The following SCIN variants were observed in gnomAD, a reference collection of about 807,000 sequenced individuals.
SCIN encodes the protein scinderin, also known as adseverin.
Under a neutral mutation model 91.8 loss-of-function variants are expected in SCIN, and 91 were observed. The ratio of observed to expected loss-of-function variants is 0.99; its 90% CI spans 0.84 to 1.18. SCIN has a LOEUF of 1.18. SCIN is among the 50% of genes most tolerant of loss of function. The pLI is 0.00. For synonymous variants in SCIN, 367 were observed against 312.6 expected (o/e 1.17, Z -1.84); for missense variants, 1,087 against 863.9 (o/e 1.26, Z -3.24).
chr7:12,649,338 AAAG>A (rs1784031064), intron 13 of SCIN, 126 bp from the exon 14 acceptor site: 1 of 512,714 alleles, frequency 2.0e-6, no homozygotes, highest in Non-Finnish European at 3.4e-6. Flanking sequence ...ATTACGTGAA[AAAG>A]AAGAAAAAAA....
chr7:12,631,849 C>T (rs1400130487), intron 9 of SCIN, among the ~76,000 whole-genome samples: 1 of 152,096 alleles, frequency 6.6e-6, no homozygotes, highest in East Asian at 1.9e-4. Context: ...GGGAGATAGA[C>T]AGGCATGCAA....
intron 3 of SCIN, among the ~76,000 whole-genome samples, chr7:12,594,276 A>G (rs1281232246): frequency 6.6e-6 from 1 of 151,880 alleles, no homozygotes; most frequent in Non-Finnish European, 1.5e-5. Context: ...GGAGGGAGAA[A>G]ATCCACGGGG....
chr7:12,609,759 G>C (rs1454565771), intron 4 of SCIN, among the ~76,000 whole-genome samples: 4 of 152,106 alleles, frequency 2.6e-5, no homozygotes, highest in Non-Finnish European at 5.9e-5. Flanking sequence ...ATTCTACAGG[G>C]AGATGGTAGG....
In SCIN at chr7:12,636,023, C is replaced by G. The variant is rs575137193; in HGVS notation, c.1320-22C>G. 48 of 1,582,874 alleles carry G rather than the reference C, an allele frequency of 3.0e-5. 1 individual carries two copies. The East Asian group carries it at 3.6e-4, about 12-fold the overall frequency. ...CTTAAAACTTAAAGGCAAGCTAATT[C>G]GTTTCACTTTCATTCCTCTAGGCAA... On this transcript the variant is annotated intron_variant, in intron 9 of 15. Transcript: ENST00000297029.
intron 1 of SCIN, among the ~76,000 whole-genome samples, chr7:12,571,818 G>A (rs1297934240): frequency 6.6e-6 from 1 of 152,164 alleles, no homozygotes; most frequent in Non-Finnish European, 1.5e-5. Flanking sequence ...AGGACACTGG[G>A]CCTTGTGTGT....
rs569589614 is a variant in SCIN, at chr7:12,571,064, G to C, written c.199+79G>C. 4.0e-5 allele frequency: 57 copies of C among 1,430,526 alleles called. No individual in the cohort carries two copies. The South Asian group carries it at 5.0e-4, about 13-fold the overall frequency. The allele number at this position is 1,430,526 out of a possible 1,614,324, so 88.6% of individuals were successfully genotyped here. On this transcript the variant is annotated intron_variant, in intron 1 of 15. Coordinates refer to ENST00000297029, the MANE Select transcript of SCIN (RefSeq NM_001112706.3). ...GCGTAGGGGTCTGAGATTTGCAGGC[G>C]TGGGAGTAAAGGGGACCGCAAACTG...
chr7:12,608,134 C>T (rs1045098874), intron 4 of SCIN, among the ~76,000 whole-genome samples: 8 of 152,108 alleles, frequency 5.3e-5, no homozygotes, highest in African/African-American at 1.9e-4. Context: ...TAATGAAAAG[C>T]TCATATATTA....
chr7:12,614,397 A>C (rs976110417), intron 4 of SCIN, among the ~76,000 whole-genome samples: 1 of 152,072 alleles, frequency 6.6e-6, no homozygotes, highest in African/African-American at 2.4e-5. Context: ...TAGAAGAGGC[A>C]CTCTTCTAGG....
intron 3 of SCIN, among the ~76,000 whole-genome samples, chr7:12,590,060 C>G (rs1782686116): frequency 6.6e-6 from 1 of 151,556 alleles, no homozygotes; most frequent in South Asian, 2.1e-4. Context: ...CACTGGATGC[C>G]AAGGGACTGA....
chr7:12,582,633 A>G (rs575630361), intron 3 of SCIN, among the ~76,000 whole-genome samples: 5 of 152,306 alleles, frequency 3.3e-5, no homozygotes, highest in Admixed American at 6.5e-5. Context: ...AATAAATTTC[A>G]TGGGAAAGTC....
In SCIN at chr7:12,649,556, T is replaced by A; in HGVS notation, c.1959+12T>A. The A allele has an allele frequency of 6.4e-7, 1 of 1,572,930 alleles. No individual in the cohort carries two copies. Among genetic ancestry groups the A allele is most frequent in the Non-Finnish European group, 8.7e-7 (1 of 1,153,496 alleles). On this transcript the variant is annotated intron_variant, in intron 14 of 15. Coordinates refer to ENST00000297029, the MANE Select transcript of SCIN (RefSeq NM_001112706.3). ...ATGCTTGGGAACAGGTAAAACTACA[T>A]TTTGTTCATAAGAAGAGAATGCATT...
rs150072692 is a variant in SCIN at position 12,636,154 on chromosome 7, C to T, written c.1410+19C>T. ...TGTGCAGGTTGGGATATTTTTACCC[C>T]CAAAACTCACACAAGTTAAAGTCTT... On this transcript the variant is annotated intron_variant, in intron 10 of 15. Transcript: ENST00000297029. The T allele has an allele frequency of 6.5e-5, 103 of 1,575,252 alleles. 1 individual carries two copies. The highest frequency in any genetic ancestry group is 5.6e-4 in the East Asian group (25 of 44,470).
chr7:12,598,037 G>A (rs1180555134), intron 3 of SCIN, among the ~76,000 whole-genome samples: 1 of 152,162 alleles, frequency 6.6e-6, no homozygotes, highest in Admixed American at 6.5e-5. Flanking sequence ...TAAGATCTTA[G>A]ATGGTGAAAT....
At chr7:12,577,995 C>A in intron 1 of SCIN, 69 bp from the exon 2 acceptor site, 1 of 1,356,408 alleles carries the variant, frequency 7.4e-7, no homozygotes, top group Non-Finnish European at 9.7e-7. Flanking sequence ...TGACTTCTTT[C>A]ATATCAGAAA....
At position 12,644,620 on chromosome 7, in the gene SCIN, A is replaced by T. The variant is rs576384572; in HGVS notation, c.1796A>T (p.Tyr599Phe). The stretch of plus-strand genomic sequence containing the variant: ...AATTCCCTTGGAGGGAAAAAAGACT[A>T]CCAGACCTCACCACTACTGGAAACC... The part of the protein sequence containing the change: ...FWNSLGGKKD[Y>F]QTSPLLETQA... The change falls in exon 13 of 16, where the codon TAC becomes TTC. Residue 599 changes from tyrosine to phenylalanine, a missense_variant. By Grantham distance (22) the Tyr-to-Phe change is conservative. Transcript: ENST00000297029. 256 of 1,607,644 alleles carry T rather than the reference A, an allele frequency of 1.6e-4. 3 individuals are homozygous for T. The South Asian group carries it at 2.7e-3, about 17-fold the overall frequency.
intron 3 of SCIN, among the ~76,000 whole-genome samples, chr7:12,600,223 C>A (rs529590052): frequency 1.3e-5 from 2 of 152,272 alleles, no homozygotes; most frequent in African/African-American, 4.8e-5. Context: ...GAATTGGAGA[C>A]TATTATTCTA....
chr7:12,637,271 C>T (rs1767843241), intron 10 of SCIN, among the ~76,000 whole-genome samples: 2 of 152,180 alleles, frequency 1.3e-5, no homozygotes, highest in Admixed American at 1.3e-4. Flanking sequence ...AAAAAAGATG[C>T]ATTTTCTTAC....
intron 9 of SCIN, among the ~76,000 whole-genome samples, chr7:12,633,980 G>C (rs1377164029): frequency 1.0e-5 from 1 of 99,228 alleles, no homozygotes. Context: ...TTTTTTTTTT[G>C]CACCCCTCTG....
In SCIN at chr7:12,604,532, G is replaced by A. The variant is rs2115249977; in HGVS notation, c.535G>A (p.Gly179Ser). Residue 179 changes from glycine to serine, a missense_variant, in exon 4 of 16, where the codon GGT becomes AGT. Coordinates refer to ENST00000297029, the MANE Select transcript of SCIN (RefSeq NM_001112706.3). ...DLGTEIYQWCGSSCNKYERLK... is the reference protein window; with the variant it reads ...DLGTEIYQWCSSSCNKYERLK... ...CTTTTAGGAAATTTATCAGTGGTGT[G>A]GTTCCTCGTGCAACAAATATGAACG... 6.4e-7 allele frequency: 1 copy of A among 1,551,634 alleles called. No individual in the cohort carries two copies. Among genetic ancestry groups the A allele is most frequent in the East Asian group, 2.4e-5 (1 of 40,910 alleles).
Sources: gnomAD v4.1 joint callset for allele counts (sites outside exome capture counted in the v4.1 genomes callset) on GRCh38, gnomAD v4.1.1 for gene constraint, MANE v1.5 for transcripts, NCBI Gene and HGNC (gene_info 2026-07-23, HGNC 2026-07-21) for gene names.